Variants in SLC10A7 observed in about 807,000 individuals in gnomAD.
SLC10A7 encodes sodium/bile acid cotransporter 7.
In SLC10A7, 29 loss-of-function variants were observed where a neutral mutation model predicts 43.2. That is an observed-to-expected ratio of 0.67 (90% CI 0.50 to 0.92). The LOEUF is 0.92. SLC10A7 is among the 40% of genes least tolerant of loss of function. The pLI, the probability that SLC10A7 is intolerant of heterozygous loss-of-function variation, is 0.00. For missense variants in SLC10A7, 295 were observed against 403.2 expected (o/e 0.73, Z 2.30); for synonymous variants, 152 against 144.8 (o/e 1.05, Z -0.35).
At chr4:146,331,356 A>C (rs1286469987) in intron 5 of SLC10A7, among the ~76,000 whole-genome samples, 1 of 152,224 alleles carries the variant, frequency 6.6e-6, no homozygotes, top group Non-Finnish European at 1.5e-5. Flanking sequence ...GTTAAGATTC[A>C]GACTATAAAA....
intron 4 of SLC10A7, among the ~76,000 whole-genome samples, chr4:146,482,686 A>T (rs1362497633): frequency 6.6e-6 from 1 of 152,164 alleles, no homozygotes; most frequent in Non-Finnish European, 1.5e-5. Context: ...AGAGACAGAG[A>T]ATGCTAAAAA....
chr4:146,427,429 AT>A (rs940635567), intron 5 of SLC10A7, among the ~76,000 whole-genome samples: 1 of 151,970 alleles, frequency 6.6e-6, no homozygotes, highest in African/African-American at 2.4e-5. Flanking sequence ...TTTTTATTCA[AT>A]TTTTTTTAAG....
intron 5 of SLC10A7, among the ~76,000 whole-genome samples, chr4:146,390,456 G>A (rs565804576): frequency 3.3e-5 from 5 of 152,002 alleles, no homozygotes; most frequent in East Asian, 3.9e-4. Context: ...TGGAGAAACC[G>A]TATCTCTACA....
At chr4:146,257,841 T>C (rs1578720350) in intron 11 of SLC10A7, among the ~76,000 whole-genome samples, 1 of 152,288 alleles carries the variant, frequency 6.6e-6, no homozygotes, top group East Asian at 1.9e-4. Flanking sequence ...AGGTAGAGGA[T>C]AGGATGTGCT....
At chr4:146,277,671 C>T (rs1334167252) in intron 10 of SLC10A7, among the ~76,000 whole-genome samples, 1 of 152,126 alleles carries the variant, frequency 6.6e-6, no homozygotes, top group African/African-American at 2.4e-5. Context: ...TGGCTACACT[C>T]CAAAGATAGT....
chr4:146,271,324 T>TGAG (rs1353581668), intron 10 of SLC10A7, among the ~76,000 whole-genome samples: 2 of 152,204 alleles, frequency 1.3e-5, no homozygotes, highest in African/African-American at 2.4e-5. Context: ...AGCCAGTAAA[T>TGAG]GGATCCTTAC....
chr4:146,381,138 G>T (rs1377127919), intron 5 of SLC10A7, among the ~76,000 whole-genome samples: 2 of 152,086 alleles, frequency 1.3e-5, no homozygotes, highest in African/African-American at 4.8e-5. Context: ...CCTCAGAAGG[G>T]GCCCATGCAA....
intron 5 of SLC10A7, among the ~76,000 whole-genome samples, chr4:146,335,929 G>A (rs940058143): frequency 1.3e-5 from 2 of 151,950 alleles, no homozygotes; most frequent in Admixed American, 6.6e-5. Context: ...TGATCTAAGC[G>A]CCAGCAACAT....
At chr4:146,339,621 G>A (rs916326969) in intron 5 of SLC10A7, among the ~76,000 whole-genome samples, 3 of 151,902 alleles carry the variant, frequency 2.0e-5, no homozygotes, top group Non-Finnish European at 1.5e-5. Context: ...TAGGATCTGG[G>A]TATGCAGTTG....
chr4:146,257,001 T>C (rs1727928638), intron 11 of SLC10A7: 1 of 1,102,832 alleles, frequency 9.1e-7, no homozygotes, highest in Non-Finnish European at 1.3e-6. Context: ...GCTTCTGTTA[T>C]TCTACAGAAC....
At chr4:146,514,206 A>T (rs1339326723) in intron 2 of SLC10A7, 1 of 152,224 alleles carries the variant, frequency 6.6e-6, no homozygotes, top group Non-Finnish European at 1.5e-5. Flanking sequence ...CTAATAGGAT[A>T]AAAGATAATA....
chr4:146,509,944 T>C lies in SLC10A7; in HGVS notation c.289A>G (p.Ile97Val). The C allele has an allele frequency of 6.2e-7, 1 of 1,613,598 alleles. No individual in the cohort carries two copies. The highest frequency in any genetic ancestry group is 8.5e-7 in the Non-Finnish European group (1 of 1,179,838). Residue 97 changes from isoleucine to valine, a missense_variant, in exon 3 of 12, where the codon ATC becomes GTC. Physicochemically the swap from Ile to Val is conservative, Grantham distance 29 (BLOSUM62 3). Around this residue, in one of 2 missense-constraint regions of SLC10A7, gnomAD observed 242 missense variants for 362.5 expected, o/e 0.67. Coordinates refer to ENST00000335472, the MANE Select transcript of SLC10A7 (RefSeq NM_001029998.6). Reference protein sequence around the residue: ...TIWLFLQLLSITPINEWLLKG... With the variant: ...TIWLFLQLLSVTPINEWLLKG... ...AAAAGCCATTCGTTGATGGGTGTGA[T>C]TGATAAAAGCTGAAGAAAAAGCCAT...
chr4:146,459,818 C>A (rs1732383441), intron 4 of SLC10A7, among the ~76,000 whole-genome samples: 1 of 151,686 alleles, frequency 6.6e-6, no homozygotes, highest in Admixed American at 6.6e-5. Context: ...AATTTTAAAT[C>A]ATAAAATTAA....
chr4:146,498,652 T>C (rs928950750), intron 4 of SLC10A7, among the ~76,000 whole-genome samples: 1 of 152,210 alleles, frequency 6.6e-6, no homozygotes, highest in African/African-American at 2.4e-5. Flanking sequence ...AAAAGAAGAT[T>C]GTCAGTCAGC....
chr4:146,264,311 T>C (rs1208490171), intron 10 of SLC10A7, among the ~76,000 whole-genome samples: 1 of 152,220 alleles, frequency 6.6e-6, no homozygotes, highest in East Asian at 1.9e-4. Flanking sequence ...TTATTTTTCC[T>C]TGAGAAACAG....
At chr4:146,520,382 G>A (rs907755051) in intron 1 of SLC10A7, among the ~76,000 whole-genome samples, 10 of 152,152 alleles carry the variant, frequency 6.6e-5, no homozygotes, top group African/African-American at 2.4e-4. Flanking sequence ...AAACCACCAG[G>A]AATAACTGCT....
At chr4:146,516,466 ATATGTATATGTG>A (rs1486643395) in intron 2 of SLC10A7, among the ~76,000 whole-genome samples, 1 of 146,754 alleles carries the variant, frequency 6.8e-6, no homozygotes, top group African/African-American at 2.5e-5. Flanking sequence ...ATGTATGTGT[ATATGTATATGTG>A]TATATATATA....
At position 146,482,054 on chromosome 4, in the gene SLC10A7, C is replaced by G. The variant is rs7674642; in HGVS notation, c.396+21795G>C. Among the ~76,000 whole-genome samples the G allele has an allele frequency of 5.3e-3, 804 of 152,292 alleles. 10 individuals are homozygous for G. The highest frequency in any genetic ancestry group is 0.019 in the African/African-American group (771 of 41,550). ...CAAAGATTTCACCATTGCACCAATA[C>G]AAAACCAGAGCCACTATAATCTGTC... On this transcript the variant is annotated intron_variant, in intron 4 of 11. Transcript: ENST00000335472.
chr4:146,298,968 A>T (rs1730971615), intron 7 of SLC10A7, among the ~76,000 whole-genome samples: 1 of 152,232 alleles, frequency 6.6e-6, no homozygotes, highest in African/African-American at 2.4e-5. Context: ...TAAACCAAAA[A>T]GAAGTATTGT....
Sources: gnomAD v4.1 joint callset for allele counts (sites outside exome capture counted in the v4.1 genomes callset) on GRCh38, gnomAD v4.1.1 for gene constraint, gnomAD v4.1.1 regional missense constraint, MANE v1.5 for transcripts, NCBI Gene and HGNC (gene_info 2026-07-23, HGNC 2026-07-21) for gene names.